Variants in PGGT1B observed in about 807,000 individuals in gnomAD.
PGGT1B encodes protein geranylgeranyltransferase type I subunit beta.
Under a neutral mutation model 46.1 loss-of-function variants are expected in PGGT1B, and 30 were observed. That is an observed-to-expected ratio of 0.65 (90% CI 0.49 to 0.88). The LOEUF is 0.88. Among genes scored for constraint, PGGT1B ranks in the 40% least tolerant of loss-of-function variants. The probability of loss-of-function intolerance (pLI) is 0.00; values close to 1 mark genes in which losing one functional copy is unlikely to be tolerated. For missense variants in PGGT1B, 376 were observed against 455.9 expected (o/e 0.82, Z 1.60); for synonymous variants, 170 against 160.0 (o/e 1.06, Z -0.47).
At chr5:115,216,235 GT>G (rs1307335714) in intron 8 of PGGT1B, among the ~76,000 whole-genome samples, 14 of 152,138 alleles carry the variant, frequency 9.2e-5, no homozygotes, top group Non-Finnish European at 1.8e-4. Flanking sequence ...TGCTTCCTGG[GT>G]TTAAGTGACT....
chr5:115,262,872 C>A lies in PGGT1B; in HGVS notation c.-21G>T. On this transcript the variant is annotated 5_prime_UTR_variant, in exon 1 of 9. Coordinates refer to ENST00000419445, the MANE Select transcript of PGGT1B (RefSeq NM_005023.4). Reference sequence around the variant, plus strand: ...GCCATGCTGCTCCGGAAGCGACGTCCGCCGCGACCCGGAATCAGTGCCCGC... The same window carrying A: ...GCCATGCTGCTCCGGAAGCGACGTCAGCCGCGACCCGGAATCAGTGCCCGC... 1.2e-6 allele frequency: 2 copies of A among 1,611,166 alleles called. No individual in the cohort carries two copies.
chr5:115,211,580 T>G lies in PGGT1B; in HGVS notation c.*822A>C, dbSNP rs1458050949. 4.6e-5 allele frequency: 6 copies of G among 130,858 alleles called. No individual in the cohort carries two copies. Among genetic ancestry groups the G allele is most frequent in the South Asian group, 4.8e-4 (2 of 4,150 alleles). 8.1% of individuals were successfully genotyped at this position (130,858 alleles called of 1,614,324 possible). A position where few individuals can be genotyped will look rare whatever the true frequency, so the allele number is the denominator to read the frequency against. On this transcript the variant is annotated 3_prime_UTR_variant, in exon 9 of 9. Transcript: ENST00000419445. ...ATCTTTCCTTCTAGATAAAAAAGAT[T>G]GTTTTCTTCCTAGAAAGCAAAAAAA...
At chr5:115,223,852 T>C (rs1232712253) in intron 6 of PGGT1B, among the ~76,000 whole-genome samples, 4 of 152,226 alleles carry the variant, frequency 2.6e-5, no homozygotes, top group African/African-American at 7.2e-5. Context: ...ATACTTATAC[T>C]TGCAATTTAT....
At chr5:115,243,119 T>G (rs563595101) in intron 2 of PGGT1B, among the ~76,000 whole-genome samples, 7 of 152,186 alleles carry the variant, frequency 4.6e-5, no homozygotes, top group Non-Finnish European at 8.8e-5. Flanking sequence ...CAAATTATGG[T>G]TCTCTTATCC....
At chr5:115,217,153 C>G (rs903305417) in intron 7 of PGGT1B, among the ~76,000 whole-genome samples, 180 bp from the exon 8 acceptor site, 2 of 152,066 alleles carry the variant, frequency 1.3e-5, no homozygotes, top group Non-Finnish European at 2.9e-5. Flanking sequence ...ATTTTCTTAT[C>G]AAATCTACTC....
At chr5:115,243,813 G>C (rs1314989598) in intron 2 of PGGT1B, among the ~76,000 whole-genome samples, 2 of 152,000 alleles carry the variant, frequency 1.3e-5, no homozygotes, top group African/African-American at 4.8e-5. Flanking sequence ...TTTCTTTGCT[G>C]GTAGGTATCC....
At chr5:115,217,753 G>A (rs1256193139) in intron 7 of PGGT1B, among the ~76,000 whole-genome samples, 1 of 151,832 alleles carries the variant, frequency 6.6e-6, no homozygotes, top group African/African-American at 2.4e-5. Flanking sequence ...GAAAGTTATG[G>A]TACAAACAGG....
chr5:115,262,733 T>C lies in PGGT1B; in HGVS notation c.119A>G (p.Tyr40Cys), dbSNP rs541646195. 39 of 1,611,642 alleles carry C rather than the reference T, an allele frequency of 2.4e-5. No homozygotes were observed. Among genetic ancestry groups the C allele is most frequent in the Admixed American group, 6.7e-5 (4 of 59,762 alleles). The stretch of plus-strand genomic sequence containing the variant: ...TTACCTGCTTGTCTCGAGTGAAGAA[T>C]AGCGCTCCGGCAAAACCTGGAGGCA... ...QRCLQVLPER[Y>C]SSLETSRLTI... Residue 40 changes from tyrosine to cysteine, a missense_variant, in exon 1 of 9, where the codon TAT (tyrosine) becomes TGT (cysteine). Around this residue, in one of 2 missense-constraint regions of PGGT1B, gnomAD observed 154 missense variants for 142.3 expected, o/e 1.08. Coordinates refer to ENST00000419445, the MANE Select transcript of PGGT1B (RefSeq NM_005023.4).
intron 1 of PGGT1B, chr5:115,262,450 A>T: frequency 2.1e-6 from 1 of 485,524 alleles, no homozygotes; most frequent in South Asian, 2.7e-5. Context: ...CGGGTAAAAA[A>T]GCAGCTCAGA....
intron 1 of PGGT1B, among the ~76,000 whole-genome samples, chr5:115,262,223 C>T (rs1748589515): frequency 1.3e-5 from 2 of 152,170 alleles, no homozygotes; most frequent in African/African-American, 4.8e-5. Context: ...ACCTCTTTCG[C>T]CTACCATTAG....
chr5:115,236,381 A>C lies in PGGT1B; in HGVS notation c.612+9T>G. ...AACCTAAATAGTCAATTTTATCAAC[A>C]GAACTCACCATACTCCTTCTAATAT... is the stretch of plus-strand genomic sequence containing the variant. On this transcript the variant is annotated intron_variant, in intron 5 of 8. Coordinates refer to ENST00000419445, the MANE Select transcript of PGGT1B (RefSeq NM_005023.4). 1 of 1,588,822 alleles carries C rather than the reference A, an allele frequency of 6.3e-7. No individual in the cohort carries two copies. The highest frequency in any genetic ancestry group is 8.5e-7 in the Non-Finnish European group (1 of 1,170,432).
At chr5:115,230,453 A>G (rs1756941030) in intron 6 of PGGT1B, among the ~76,000 whole-genome samples, 1 of 152,150 alleles carries the variant, frequency 6.6e-6, no homozygotes, top group African/African-American at 2.4e-5. Context: ...TGACTATCAC[A>G]TCATTATTCT....
intron 1 of PGGT1B, among the ~76,000 whole-genome samples, chr5:115,259,177 A>G (rs1268940744): frequency 3.3e-5 from 5 of 152,192 alleles, no homozygotes; most frequent in Non-Finnish European, 5.9e-5. Context: ...TAATAACTGC[A>G]TATTTGTTTC....
In PGGT1B at chr5:115,210,663, T is replaced by C. The variant is rs1756194167; in HGVS notation, c.*1739A>G. 6.6e-6 allele frequency: 1 copy of C among 152,114 alleles called. No individual in the cohort carries two copies. Among genetic ancestry groups the C allele is most frequent in the Non-Finnish European group, 1.5e-5 (1 of 67,972 alleles). 9.4% of individuals were successfully genotyped at this position (152,114 alleles called of 1,614,324 possible). ...ACCTTTATTGCCTTCTAACCTTTCT[T>C]GGTGATACAGAAAAAACAATTTGGG... is the stretch of plus-strand genomic sequence containing the variant. On this transcript the variant is annotated 3_prime_UTR_variant, in exon 9 of 9. Transcript: ENST00000419445.
chr5:115,207,813 G>A lies in PGGT1B; in HGVS notation c.*4589C>T, dbSNP rs1300961630. ...ACTCTCAACACATTGTTAAGTAGCA[G>A]AGGAGTTAGTGGGCATGTCTTGTTC... On this transcript the variant is annotated 3_prime_UTR_variant, in exon 9 of 9. Coordinates refer to ENST00000419445, the MANE Select transcript of PGGT1B (RefSeq NM_005023.4). 6.6e-6 allele frequency: 1 copy of A among 152,038 alleles called. No individual in the cohort carries two copies. Among genetic ancestry groups the A allele is most frequent in the Non-Finnish European group, 1.5e-5 (1 of 67,946 alleles). The allele number at this position is 152,038 out of a possible 1,614,324, so 9.4% of individuals were successfully genotyped here.
chr5:115,217,107 G>A (rs1756444229), intron 7 of PGGT1B, 134 bp from the exon 8 acceptor site: 1 of 610,734 alleles, frequency 1.6e-6, no homozygotes, highest in East Asian at 2.8e-5. Context: ...GGGGCCTTGA[G>A]CACTTTTGAA....
In PGGT1B at chr5:115,204,432, C is replaced by T. The variant is rs1756003640; in HGVS notation, c.*7970G>A. 1 of 152,146 alleles carries T rather than the reference C, an allele frequency of 6.6e-6. No homozygotes were observed. 9.4% of individuals were successfully genotyped at this position (152,146 alleles called of 1,614,324 possible). On this transcript the variant is annotated 3_prime_UTR_variant, in exon 9 of 9. Coordinates refer to ENST00000419445, the MANE Select transcript of PGGT1B (RefSeq NM_005023.4). ...CCTGCTTTAGTGGAGAGACATTATT[C>T]TGATTTCACTCTCAAAGGCATACAG...
chr5:115,207,799 ATTG>A lies in PGGT1B; in HGVS notation c.*4600_*4602del, dbSNP rs2126980775. Reference sequence around the variant, plus strand: ...CTTCATTGGCTATAACTCTCAACACATTGTTAAGTAGCAGAGGAGTTAGTGGGC... The same window carrying A: ...CTTCATTGGCTATAACTCTCAACACATTAAGTAGCAGAGGAGTTAGTGGGC... On this transcript the variant is annotated 3_prime_UTR_variant, in exon 9 of 9. Coordinates refer to ENST00000419445, the MANE Select transcript of PGGT1B (RefSeq NM_005023.4). The A allele has an allele frequency of 6.6e-6, 1 of 152,096 alleles. No individual in the cohort carries two copies. Among genetic ancestry groups the A allele is most frequent in the Non-Finnish European group, 1.5e-5 (1 of 67,934 alleles). 9.4% of individuals were successfully genotyped at this position (152,096 alleles called of 1,614,324 possible).
intron 1 of PGGT1B, among the ~76,000 whole-genome samples, chr5:115,255,218 A>G (rs952929648): frequency 2.0e-5 from 3 of 152,218 alleles, no homozygotes; most frequent in African/African-American, 7.2e-5. Flanking sequence ...ATCACAGTCT[A>G]TAACACTACA....
Sources: allele counts gnomAD v4.1 joint callset (sites outside exome capture counted in the v4.1 genomes callset), GRCh38; gene constraint gnomAD v4.1.1; regional missense constraint gnomAD v4.1.1; transcripts MANE v1.5; gene names NCBI Gene and HGNC (gene_info 2026-07-23, HGNC 2026-07-21).